MINAR2: variants seen among roughly 807,000 people sequenced by gnomAD.
MINAR2 encodes membrane integral NOTCH2 associated receptor 2, also known as major intrinsically disordered NOTCH2-binding receptor 1-like.
MINAR2 carries 21 observed loss-of-function variants against 16.1 expected under a neutral mutation model. The ratio of observed to expected loss-of-function variants is 1.31; its 90% confidence interval spans 0.93 to 1.88. The LOEUF (loss-of-function observed/expected upper bound fraction) is 1.88. Ranked by LOEUF, MINAR2 falls within the 40% of genes most tolerant of loss-of-function variation. MINAR2 has a pLI of 0.00. For synonymous variants in MINAR2, 86 were observed against 83.0 expected, an observed-to-expected ratio of 1.04 and a Z score of -0.20; for missense variants, 259 against 229.8, an observed-to-expected ratio of 1.13 and a Z score of -0.82.
At chr5:129,755,596 A>G (rs1758045311) in intron 1 of MINAR2, among the ~76,000 whole-genome samples, 1 of 152,010 alleles carries the variant, frequency 6.6e-6, no homozygotes, top group Admixed American at 6.6e-5. Flanking sequence ...ACTGCACATA[A>G]ATGTTTTAAG....
chr5:129,759,829 TC>T (rs1561685360), intron 1 of MINAR2, among the ~76,000 whole-genome samples: 1 of 43,628 alleles, frequency 2.3e-5, no homozygotes, highest in Non-Finnish European at 9.9e-5. Context: ...TATCTAACAG[TC>T]AGTCTTTACA....
intron 1 of MINAR2, among the ~76,000 whole-genome samples, chr5:129,753,373 C>T (rs1200174658): frequency 6.7e-6 from 1 of 150,248 alleles, no homozygotes; most frequent in African/African-American, 2.5e-5. Flanking sequence ...ATCCCAGCTA[C>T]TCAGGAGGCT....
intron 1 of MINAR2, 119 bp from the exon 2 acceptor site, chr5:129,760,259 G>T: frequency 1.4e-6 from 1 of 731,196 alleles, no homozygotes; most frequent in Non-Finnish European, 2.3e-6. Context: ...CTCATTCATT[G>T]TCCTAATCTG....
Position 129,764,949 on chromosome 5 carries a change from G to GA in MINAR2, c.464dup (p.Glu156GlyfsTer46). 7.1e-7 allele frequency: 1 copy of GA among 1,402,882 alleles called. No homozygotes were observed. Among genetic ancestry groups the GA allele is most frequent in the Non-Finnish European group, 9.3e-7 (1 of 1,078,878 alleles). The allele number at this position is 1,402,882 out of a possible 1,614,324, so 86.9% of individuals were successfully genotyped here. ...ACACTCCAGGTTTTGACACTTTATT[G>GA]AAAAAGGAAGAGAAACAAGAGAAGC... On this transcript the variant is annotated frameshift_variant, in exon 3 of 3. Transcript: ENST00000564719. LOFTEE classifies it high-confidence loss of function.
In MINAR2 at chr5:129,766,317, T is replaced by C. The variant is rs1050369081; in HGVS notation, c.*1254T>C. The C allele has an allele frequency of 1.3e-5, 2 of 152,366 alleles. No individual in the cohort carries two copies. Among genetic ancestry groups the C allele is most frequent in the East Asian group, 3.9e-4 (2 of 5,178 alleles). 9.4% of individuals were successfully genotyped at this position (152,366 alleles called of 1,614,324 possible). A position where few individuals can be genotyped will look rare whatever the true frequency, so the allele number is the denominator to read the frequency against. ...CCATATCATTTTGTTGTATTTGTCT[T>C]AAAGATGCTTGAAATAAAGTACAGT... On this transcript the variant is annotated 3_prime_UTR_variant, in exon 3 of 3. Coordinates refer to ENST00000564719, the MANE Select transcript of MINAR2 (RefSeq NM_001257308.2).
intron 1 of MINAR2, among the ~76,000 whole-genome samples, chr5:129,758,712 C>T (rs1370991251): frequency 6.6e-6 from 1 of 151,730 alleles, no homozygotes; most frequent in Non-Finnish European, 1.5e-5. Context: ...AATTATCCCC[C>T]TTCAGAGATG....
intron 1 of MINAR2, among the ~76,000 whole-genome samples, chr5:129,754,977 C>T (rs1455996018): frequency 1.8e-4 from 28 of 152,024 alleles, no homozygotes; most frequent in Admixed American, 1.8e-3. Context: ...AAACTGTGTT[C>T]TGTAAGTTTG....
chr5:129,748,909 A>G (rs1399364139), intron 1 of MINAR2, among the ~76,000 whole-genome samples: 1 of 152,188 alleles, frequency 6.6e-6, no homozygotes, highest in African/African-American at 2.4e-5. Flanking sequence ...AGTGCTAGCT[A>G]TTACTGTAGA....
chr5:129,752,128 T>C lies in MINAR2; in HGVS notation c.165+3773T>C, dbSNP rs549859803. ...AACGCTTTTACACTGTTGGTGGGAA[T>C]GTAAACTAGTTCAACCATTGTGGAA... On this transcript the variant is annotated intron_variant, in intron 1 of 2. Transcript: ENST00000564719. Among the ~76,000 whole-genome samples the C allele has an allele frequency of 1.7e-4, 26 of 152,340 alleles. No homozygotes were observed. The South Asian group carries it at 5.4e-3, about 32-fold the overall frequency.
intron 1 of MINAR2, among the ~76,000 whole-genome samples, chr5:129,756,810 A>G (rs1003727675): frequency 1.1e-4 from 16 of 151,538 alleles, no homozygotes; most frequent in African/African-American, 3.9e-4. Context: ...TTCTAGAAAC[A>G]TTCTTTATAT....
At chr5:129,753,785 G>A (rs11242005) in intron 1 of MINAR2, among the ~76,000 whole-genome samples, 1 of 151,058 alleles carries the variant, frequency 6.6e-6, no homozygotes, top group African/African-American at 2.4e-5. Context: ...GAGCGTCAGA[G>A]AGAGAGAGAG....
At chr5:129,751,502 T>C (rs936018216) in intron 1 of MINAR2, among the ~76,000 whole-genome samples, 2 of 152,208 alleles carry the variant, frequency 1.3e-5, no homozygotes, top group Non-Finnish European at 2.9e-5. Context: ...TCACCATGCC[T>C]GGCCTCAATC....
chr5:129,761,498 G>C (rs1004389699), intron 2 of MINAR2, among the ~76,000 whole-genome samples: 1 of 151,744 alleles, frequency 6.6e-6, no homozygotes. Flanking sequence ...TTTCAAATAT[G>C]TGCTGCTCAA....
chr5:129,752,143 C>A (rs1757992833), intron 1 of MINAR2, among the ~76,000 whole-genome samples: 1 of 152,154 alleles, frequency 6.6e-6, no homozygotes, highest in Non-Finnish European at 1.5e-5. Flanking sequence ...ACTAGTTCAA[C>A]CATTGTGGAA....
intron 2 of MINAR2, among the ~76,000 whole-genome samples, chr5:129,761,302 C>T (rs1424790190): frequency 6.6e-6 from 1 of 152,150 alleles, no homozygotes; most frequent in Non-Finnish European, 1.5e-5. Context: ...TGGATTCCTA[C>T]CCAGCCTTGG....
At chr5:129,748,822 A>G (rs1328021706) in intron 1 of MINAR2, among the ~76,000 whole-genome samples, 1 of 152,128 alleles carries the variant, frequency 6.6e-6, no homozygotes, top group Non-Finnish European at 1.5e-5. Flanking sequence ...CATAGCATAC[A>G]CAGAAGACTT....
intron 1 of MINAR2, among the ~76,000 whole-genome samples, chr5:129,757,082 A>ATG (rs1235928830): frequency 2.0e-5 from 3 of 149,724 alleles, no homozygotes; most frequent in African/African-American, 7.4e-5. Flanking sequence ...ATATATATAT[A>ATG]TCTCATCACA....
chr5:129,758,225 T>C (rs1307468240), intron 1 of MINAR2, among the ~76,000 whole-genome samples: 1 of 152,046 alleles, frequency 6.6e-6, no homozygotes, highest in Non-Finnish European at 1.5e-5. Flanking sequence ...AGTTTTCCTC[T>C]GGTAAATGTA....
At chr5:129,762,567 G>T in intron 2 of MINAR2, 2 of 346,614 alleles carry the variant, frequency 5.8e-6, no homozygotes, top group Non-Finnish European at 5.8e-6. Context: ...TCTGCTCTTT[G>T]TGGAATTAGT....
Sources: allele counts gnomAD v4.1 joint callset (sites outside exome capture counted in the v4.1 genomes callset), GRCh38; gene constraint gnomAD v4.1.1; transcripts MANE v1.5; gene names NCBI Gene and HGNC (gene_info 2026-07-23, HGNC 2026-07-21).